Variants in ZNF274 observed in about 807,000 individuals in gnomAD.
ZNF274 encodes neurotrophin receptor-interacting factor homolog.
In ZNF274, 23 loss-of-function variants were observed where a neutral mutation model predicts 42.5. That is an observed-to-expected ratio of 0.54 (90% confidence interval 0.39 to 0.77). The LOEUF (loss-of-function observed/expected upper bound fraction) is 0.77, where lower values mean the gene tolerates loss of function less well. ZNF274 is among the 30% of genes least tolerant of loss of function. The pLI is 0.00. For missense variants in ZNF274, 679 were observed against 806.5 expected (o/e 0.84, Z 1.91); for synonymous variants, 292 against 305.4 (o/e 0.96, Z 0.46).
At position 58,212,863 on chromosome 19, in the gene ZNF274, G is replaced by A. The variant is rs773839813; in HGVS notation, c.1682G>A (p.Arg561Lys). 6.2e-7 allele frequency: 1 copy of A among 1,614,028 alleles called. No individual in the cohort carries two copies. The highest frequency in any genetic ancestry group is 1.1e-5 in the South Asian group (1 of 91,082). ...TQHQRVHSGE[R>K]PFECQECGRT... ...CATCAGAGAGTTCATTCTGGAGAGA[G>A]ACCATTTGAATGTCAGGAGTGTGGG... Residue 561 changes from arginine to lysine, a missense_variant, in exon 8 of 8, where the codon AGA (arginine) becomes AAA (lysine). By Grantham distance (26) the Arg-to-Lys change is conservative (BLOSUM62 2). This residue lies in a region of ZNF274 where 456 missense variants were observed against 590.1 expected (regional missense o/e 0.77). Transcript: ENST00000617501. The surrounding 1 kb of genome is among the most constrained non-coding windows in gnomAD (Gnocchi z 4.6).
chr19:58,185,553 G>A (rs2075687635), intron 2 of ZNF274, 159 bp from the exon 3 acceptor site: 1 of 647,194 alleles, frequency 1.5e-6, no homozygotes, highest in Non-Finnish European at 2.3e-6. Context: ...TTTGCTTGGG[G>A]TTTCAGACAA....
chr19:58,201,530 T>C (rs1344968309), intron 4 of ZNF274, among the ~76,000 whole-genome samples: 2 of 148,016 alleles, frequency 1.4e-5, no homozygotes, highest in Non-Finnish European at 1.5e-5. Context: ...TTTTTTTTTC[T>C]TTCTGAGATG....
At chr19:58,189,142 G>A (rs1343176566) in intron 4 of ZNF274, among the ~76,000 whole-genome samples, 1 of 151,710 alleles carries the variant, frequency 6.6e-6, no homozygotes, top group African/African-American at 2.4e-5. Flanking sequence ...CTTGTTTGTG[G>A]GAATTCTCTA....
chr19:58,213,415 AT>A lies in ZNF274; in HGVS notation c.*273del, dbSNP rs1398833807. On this transcript the variant is annotated 3_prime_UTR_variant, in exon 8 of 8. Coordinates refer to ENST00000617501, the MANE Select transcript of ZNF274 (RefSeq NM_133502.3). ...AGTCATTAAAAGTGAGATTAATAAA[AT>A]CTGAAAATGTTATATAATAACTTTA... 1.1e-5 allele frequency: 4 copies of A among 379,468 alleles called. No individual in the cohort carries two copies. Among genetic ancestry groups the A allele is most frequent in the Non-Finnish European group, 1.9e-5 (4 of 213,632 alleles). The allele number at this position is 379,468 out of a possible 1,614,324, so 23.5% of individuals were successfully genotyped here. A position where few individuals can be genotyped will look rare whatever the true frequency, so the allele number is the denominator to read the frequency against.
chr19:58,192,583 G>C (rs530870148), intron 4 of ZNF274, among the ~76,000 whole-genome samples: 1 of 152,264 alleles, frequency 6.6e-6, no homozygotes, highest in East Asian at 1.9e-4. Flanking sequence ...TGTAGTGTTT[G>C]CATATGACTT....
At chr19:58,203,105 T>C (rs2075933944) in intron 4 of ZNF274, among the ~76,000 whole-genome samples, 1 of 152,182 alleles carries the variant, frequency 6.6e-6, no homozygotes, top group Admixed American at 6.5e-5. Context: ...TTAAGATGTT[T>C]AAGTGTCATG....
Position 58,212,436 on chromosome 19 carries a change from C to G in ZNF274, c.1255C>G (p.Leu419Val). 6.2e-7 allele frequency: 1 copy of G among 1,612,798 alleles called. No homozygotes were observed. The highest frequency in any genetic ancestry group is 8.5e-7 in the Non-Finnish European group (1 of 1,179,326). The change falls in exon 8 of 8, where the codon CTC becomes GTC. Residue 419 changes from leucine (L) to valine (V), a missense_variant. By Grantham distance (32) the Leu-to-Val change is conservative (BLOSUM62 1). Transcript: ENST00000617501. This position sits in a 1 kb window ranked among gnomAD's most constrained non-coding sequence, Gnocchi z 4.6. Reference protein sequence around the residue: ...SGALDTNQVSLQKIDNPESQA... With the variant: ...SGALDTNQVSVQKIDNPESQA... ...TGCTCTTGACACAAACCAAGTTTCG[C>G]TCCAGAAAATTGACAACCCTGAGTC...
intron 2 of ZNF274, 79 bp downstream of exon 2, chr19:58,184,077 C>T: frequency 6.8e-7 from 1 of 1,477,044 alleles, no homozygotes; most frequent in South Asian, 1.2e-5. Flanking sequence ...TACCACCTTC[C>T]CTGAGATACC....
Position 58,212,574 on chromosome 19 carries a change from C to A in ZNF274, c.1393C>A (p.Arg465Ser). The A allele has an allele frequency of 6.2e-7, 1 of 1,613,950 alleles. No individual in the cohort carries two copies. Among genetic ancestry groups the A allele is most frequent in the Non-Finnish European group, 8.5e-7 (1 of 1,179,892 alleles). Residue 465 changes from arginine to serine, a missense_variant, in exon 8 of 8, where the codon CGT (arginine) becomes AGT (serine). Around this residue, in one of 2 missense-constraint regions of ZNF274, gnomAD observed 456 missense variants for 590.1 expected, o/e 0.77. Coordinates refer to ENST00000617501, the MANE Select transcript of ZNF274 (RefSeq NM_133502.3). The surrounding 1 kb of genome is among the most constrained non-coding windows in gnomAD (Gnocchi z 4.6). ...SQVKSMKHNS[R>S]VKIHQKSCER... The stretch of plus-strand genomic sequence containing the variant: ...AGTTAAAAGTATGAAACATAATTCA[C>A]GTGTAAAAATTCATCAGAAGAGCTG...
chr19:58,191,615 G>T (rs1366665028), intron 4 of ZNF274, among the ~76,000 whole-genome samples: 2 of 152,154 alleles, frequency 1.3e-5, no homozygotes, highest in Admixed American at 1.3e-4. Context: ...GGCACTGTGG[G>T]TGCCACACAT....
At position 58,211,324 on chromosome 19, in the gene ZNF274, C is replaced by T; in HGVS notation, c.853-236C>T. The T allele has an allele frequency of 4.8e-6, 2 of 413,030 alleles. No individual in the cohort carries two copies. The highest frequency in any genetic ancestry group is 8.6e-6 in the Non-Finnish European group (2 of 233,608). 25.6% of individuals were successfully genotyped at this position (413,030 alleles called of 1,614,324 possible). A position where few individuals can be genotyped will look rare whatever the true frequency, so the allele number is the denominator to read the frequency against. On this transcript the variant is annotated intron_variant, in intron 6 of 7. Coordinates refer to ENST00000617501, the MANE Select transcript of ZNF274 (RefSeq NM_133502.3). The surrounding 1 kb of genome is among the most constrained non-coding windows in gnomAD (Gnocchi z 4.8). ...TTAGGATGGAGTTGTTTGCTTGTTG[C>T]ACTTGGAGCTCTTTATGAAGCAAGG... is the stretch of plus-strand genomic sequence containing the variant.
intron 4 of ZNF274, among the ~76,000 whole-genome samples, chr19:58,194,926 G>A (rs568292592): frequency 3.5e-4 from 53 of 152,016 alleles, no homozygotes; most frequent in African/African-American, 1.1e-3. Flanking sequence ...GCATGAAGCC[G>A]GGAGGCGGAG....
chr19:58,189,960 TAAAAATACA>T (rs536621476), intron 4 of ZNF274, among the ~76,000 whole-genome samples: 2 of 151,772 alleles, frequency 1.3e-5, no homozygotes, highest in Non-Finnish European at 2.9e-5. Flanking sequence ...CTGTCTCTGC[TAAAAATACA>T]AAAATTAGCT....
rs779332752 is a variant in ZNF274 at position 58,212,656 on chromosome 19, C to T, written c.1475C>T (p.Thr492Ile). The change falls in exon 8 of 8, where the codon ACT becomes ATT. Residue 492 changes from threonine to isoleucine, a missense_variant. By Grantham distance (89) the Thr-to-Ile change is moderately conservative (BLOSUM62 -1). Around this residue, in one of 2 missense-constraint regions of ZNF274, gnomAD observed 456 missense variants for 590.1 expected, o/e 0.77. Coordinates refer to ENST00000617501, the MANE Select transcript of ZNF274 (RefSeq NM_133502.3). This position sits in a 1 kb window ranked among gnomAD's most constrained non-coding sequence, Gnocchi z 4.6. ...NGCRKTFSRS[T>I]KQITFIRIHK... ...TGTAGGAAAACCTTCAGTCGGAGTA[C>T]TAAACAGATTACGTTTATAAGAATT... 5 of 1,614,046 alleles carry T rather than the reference C, an allele frequency of 3.1e-6. No homozygotes were observed. Among genetic ancestry groups the T allele is most frequent in the Non-Finnish European group, 4.2e-6 (5 of 1,179,902 alleles).
In ZNF274 at chr19:58,213,101, C is replaced by T. The variant is rs751736989; in HGVS notation, c.1920C>T (p.Thr640=). 2.5e-6 allele frequency: 4 copies of T among 1,613,798 alleles called. No homozygotes were observed. The highest frequency in any genetic ancestry group is 1.6e-4 in the Middle Eastern group (1 of 6,084). ...CACACCTTATTGGGCACCAGAGAAC[C>T]CACAATAGGACAAAGCGAAAGAAGA... is the stretch of plus-strand genomic sequence containing the variant. ...QSSHLIGHQR[T]HNRTKRKKKQ... The change falls in exon 8 of 8, where the codon ACC becomes ACT. Residue 640 remains threonine (T), a synonymous_variant. Coordinates refer to ENST00000617501, the MANE Select transcript of ZNF274 (RefSeq NM_133502.3).
chr19:58,199,404 A>T (rs2075883075), intron 4 of ZNF274, among the ~76,000 whole-genome samples: 1 of 152,054 alleles, frequency 6.6e-6, no homozygotes, highest in Non-Finnish European at 1.5e-5. Flanking sequence ...TACAAAATAA[A>T]TTCATAGTAA....
chr19:58,205,187 A>G (rs2075967591), intron 4 of ZNF274, among the ~76,000 whole-genome samples: 1 of 152,172 alleles, frequency 6.6e-6, no homozygotes, highest in Non-Finnish European at 1.5e-5. Context: ...TGGCTTTGCT[A>G]GTTCATGCTG....
chr19:58,211,439 A>G lies in ZNF274; in HGVS notation c.853-121A>G, dbSNP rs1213309368. The G allele has an allele frequency of 1.7e-5, 22 of 1,317,430 alleles. No homozygotes were observed. Among genetic ancestry groups the G allele is most frequent in the Non-Finnish European group, 2.0e-5 (20 of 985,902 alleles). The allele number at this position is 1,317,430 out of a possible 1,614,324, so 81.6% of individuals were successfully genotyped here. ...GGTTGGTGTCTCTGAGCAAATCCCC[A>G]AAGCAGGAGAGTCCCTAGCACCGTG... On this transcript the variant is annotated intron_variant, in intron 6 of 7. Transcript: ENST00000617501. This position sits in a 1 kb window ranked among gnomAD's most constrained non-coding sequence, Gnocchi z 4.8.
At chr19:58,188,694 G>GTATATGTATATGTGTATATA (rs1221412961) in intron 4 of ZNF274, among the ~76,000 whole-genome samples, 5 of 74,656 alleles carry the variant, frequency 6.7e-5, no homozygotes, top group African/African-American at 2.2e-4. Flanking sequence ...ATATGTATAT[G>GTATATGTATATGTGTATATA]TATATATATA....
Sources: gnomAD v4.1 joint callset for allele counts (sites outside exome capture counted in the v4.1 genomes callset) on GRCh38, gnomAD v4.1.1 for gene constraint, gnomAD v4.1.1 regional missense constraint, Gnocchi (gnomAD v3.1) non-coding constraint, MANE v1.5 for transcripts, NCBI Gene and HGNC (gene_info 2026-07-23, HGNC 2026-07-21) for gene names.